Variants in DLGAP4 observed in about 807,000 individuals in gnomAD.
The protein encoded by DLGAP4 is disks large-associated protein 4.
DLGAP4 carries 18 observed loss-of-function variants against 86.9 expected under a neutral mutation model. The observed-to-expected ratio is 0.21, with a 90% CI of 0.14 to 0.31. DLGAP4 has a LOEUF of 0.31. Among genes scored for constraint, DLGAP4 ranks in the 10% least tolerant of loss-of-function variants. The pLI is 1.00. For missense variants in DLGAP4, 1,085 were observed against 1,362.6 expected (o/e 0.80, Z 3.21); for synonymous variants, 548 against 574.3 (o/e 0.95, Z 0.65).
chr20:36,389,897 G>A (rs1289323340), intron 2 of DLGAP4, among the ~76,000 whole-genome samples: 1 of 152,196 alleles, frequency 6.6e-6, no homozygotes, highest in Non-Finnish European at 1.5e-5. Context: ...AACAACAGGG[G>A]CTGCTGCTAT....
intron 2 of DLGAP4, among the ~76,000 whole-genome samples, chr20:36,391,880 C>T (rs1268588346): frequency 6.6e-6 from 1 of 152,210 alleles, no homozygotes; most frequent in Non-Finnish European, 1.5e-5. Flanking sequence ...TGTCCCAGTT[C>T]CTGAAGGTGC....
At position 36,527,737 on chromosome 20, in the gene DLGAP4, AGG is replaced by A. The variant is rs2037856792; in HGVS notation, c.*708_*709del. On this transcript the variant is annotated 3_prime_UTR_variant, in exon 13 of 13. Coordinates refer to ENST00000339266, the MANE Select transcript of DLGAP4 (RefSeq NM_001365621.2). Reference sequence around the variant, plus strand: ...GGACTCACTCACCGCTGAGCAGATGAGGGAAGTTTTAGTCTTGGCGGGTGGAA... The same window carrying A: ...GGACTCACTCACCGCTGAGCAGATGAGAAGTTTTAGTCTTGGCGGGTGGAA... The A allele has an allele frequency of 6.5e-6, 1 of 152,704 alleles. No individual in the cohort carries two copies. The highest frequency in any genetic ancestry group is 1.5e-5 in the Non-Finnish European group (1 of 68,114). The allele number at this position is 152,704 out of a possible 1,614,324, so 9.5% of individuals were successfully genotyped here.
intron 10 of DLGAP4, among the ~76,000 whole-genome samples, chr20:36,518,178 C>T (rs1292041371): frequency 2.6e-5 from 4 of 151,440 alleles, no homozygotes; most frequent in African/African-American, 4.9e-5. Context: ...GCTGAGATCC[C>T]ACCACTTTAC....
intron 1 of DLGAP4, among the ~76,000 whole-genome samples, chr20:36,343,900 A>G (rs2065409915): frequency 2.6e-5 from 4 of 152,198 alleles, no homozygotes. Context: ...TCTCTGAGCT[A>G]CTTCATGTTT....
intron 7 of DLGAP4, among the ~76,000 whole-genome samples, chr20:36,450,524 A>G (rs2033710190): frequency 6.6e-6 from 1 of 151,952 alleles, no homozygotes; most frequent in South Asian, 2.1e-4. Context: ...AGGGTCAACA[A>G]TTCTATGTTC....
chr20:36,440,660 T>C (rs562416496), intron 5 of DLGAP4, among the ~76,000 whole-genome samples: 31 of 152,256 alleles, frequency 2.0e-4, no homozygotes, highest in Admixed American at 1.0e-3. Context: ...GATCTGGGGC[T>C]GTCCAGCCCA....
chr20:36,478,934 A>G (rs1240026807), intron 7 of DLGAP4, among the ~76,000 whole-genome samples: 1 of 152,222 alleles, frequency 6.6e-6, no homozygotes, highest in Admixed American at 6.5e-5. Flanking sequence ...GGCTACTGCA[A>G]TAACCACCAA....
At chr20:36,323,175 CAAAAAAAAAA>C (rs1164348704) in intron 1 of DLGAP4, among the ~76,000 whole-genome samples, 7,253 of 35,382 alleles carry the variant, frequency 0.2, 620 homozygotes, top group African/African-American at 0.38. Context: ...GACCCTATCT[CAAAAAAAAAA>C]AAAAAAAAAA....
rs533026232 is a variant in DLGAP4, at chr20:36,411,269, G to A, written c.-72-20377G>A. The stretch of plus-strand genomic sequence containing the variant: ...CCTCCCAAAGTGCAGGATTATAGAC[G>A]TGGGCCACCGCGCCTGGCCTTCAAT... On this transcript the variant is annotated intron_variant, in intron 2 of 12. Coordinates refer to ENST00000339266, the MANE Select transcript of DLGAP4 (RefSeq NM_001365621.2). 3.9e-5 allele frequency among the ~76,000 whole-genome samples: 6 copies of A among 152,244 alleles called. No individual in the cohort carries two copies. The South Asian group carries it at 6.2e-4, about 16-fold the overall frequency.
rs748830749 is a variant in DLGAP4 at position 36,527,357 on chromosome 20, T to TTCTA, written c.*330_*333dup. 6.0e-5 allele frequency: 13 copies of TTCTA among 215,856 alleles called. No individual in the cohort carries two copies. The highest frequency in any genetic ancestry group is 8.4e-5 in the Non-Finnish European group (9 of 107,298). 13.4% of individuals were successfully genotyped at this position (215,856 alleles called of 1,614,324 possible). A position where few individuals can be genotyped will look rare whatever the true frequency, so the allele number is the denominator to read the frequency against. ...CTCCATACTGCGGTCTTTTTACTCGTTCTATCTGATGAGAACTCACACTAG... is the reference window on the plus strand; with the variant it reads ...CTCCATACTGCGGTCTTTTTACTCGTTCTATCTATCTGATGAGAACTCACACTAG... On this transcript the variant is annotated 3_prime_UTR_variant, in exon 13 of 13. Coordinates refer to ENST00000339266, the MANE Select transcript of DLGAP4 (RefSeq NM_001365621.2).
At chr20:36,522,157 C>CT (rs754153542) in intron 10 of DLGAP4, among the ~76,000 whole-genome samples, 4 of 152,076 alleles carry the variant, frequency 2.6e-5, no homozygotes, top group South Asian at 2.1e-4. Flanking sequence ...CACACTCTTT[C>CT]TTTTTTGTTT....
intron 2 of DLGAP4, among the ~76,000 whole-genome samples, chr20:36,396,002 G>A (rs1201815432): frequency 6.6e-6 from 1 of 152,080 alleles, no homozygotes; most frequent in Non-Finnish European, 1.5e-5. Flanking sequence ...GGCCTGCCTG[G>A]TCCCAGCTTC....
At chr20:36,461,741 CCGT>C (rs2034077313) in intron 7 of DLGAP4, 4 of 908,596 alleles carry the variant, frequency 4.4e-6, no homozygotes, top group Non-Finnish European at 5.1e-6. Context: ...GTCCGTCCGT[CCGT>C]CCGTCCGCCC....
At chr20:36,521,835 T>C (rs956701478) in intron 10 of DLGAP4, among the ~76,000 whole-genome samples, 1 of 152,268 alleles carries the variant, frequency 6.6e-6, no homozygotes, top group Non-Finnish European at 1.5e-5. Flanking sequence ...CAACAATTTC[T>C]GGTAAGTATT....
intron 2 of DLGAP4, among the ~76,000 whole-genome samples, chr20:36,417,259 G>A (rs147785282): frequency 6.6e-6 from 1 of 152,364 alleles, no homozygotes; most frequent in Non-Finnish European, 1.5e-5. Flanking sequence ...GGATGGAACA[G>A]CATGGGCAAA....
At chr20:36,523,690 GTCT>G (rs2037522378) in intron 10 of DLGAP4, among the ~76,000 whole-genome samples, 1 of 152,134 alleles carries the variant, frequency 6.6e-6, no homozygotes, top group Admixed American at 6.6e-5. Flanking sequence ...TTGAGACTGA[GTCT>G]CCCTCTGTCA....
intron 2 of DLGAP4, among the ~76,000 whole-genome samples, chr20:36,409,749 C>G (rs1392536890): frequency 4.0e-5 from 6 of 150,330 alleles, no homozygotes; most frequent in Non-Finnish European, 1.5e-5. Flanking sequence ...AAGCCCTCCT[C>G]CTGGCCGGGC....
At chr20:36,472,295 A>AGTGGGCTAT (rs1387415932) in intron 7 of DLGAP4, among the ~76,000 whole-genome samples, 23 of 152,102 alleles carry the variant, frequency 1.5e-4, no homozygotes, top group African/African-American at 5.6e-4. Flanking sequence ...TGAGCTCAGG[A>AGTGGGCTAT]GTTAAAGACC....
Position 36,467,069 on chromosome 20 carries a change from C to CCCG in DLGAP4, c.1648+20134_1648+20135insGCC, listed in dbSNP as rs1569509733. 4.2e-4 allele frequency among the ~76,000 whole-genome samples: 54 copies of CCCG among 129,342 alleles called. 1 individual carries two copies. The highest frequency in any genetic ancestry group is 1.9e-3 in the African/African-American group (52 of 27,344). The allele number at this position is 129,342 out of a possible 152,430, so 84.9% of individuals were successfully genotyped here. Reference sequence around the variant, plus strand: ...CTCTCTCTCTCTCTCTCTCTCCCCCCCCCTTCTCTCGGCCCTGCCTTCCTA... The same window carrying CCCG: ...CTCTCTCTCTCTCTCTCTCTCCCCCCCCGCCCTTCTCTCGGCCCTGCCTTCCTA... On this transcript the variant is annotated intron_variant, in intron 7 of 12. Coordinates refer to ENST00000339266, the MANE Select transcript of DLGAP4 (RefSeq NM_001365621.2).
Sources: allele counts gnomAD v4.1 joint callset (sites outside exome capture counted in the v4.1 genomes callset), GRCh38; gene constraint gnomAD v4.1.1; transcripts MANE v1.5; gene names NCBI Gene and HGNC (gene_info 2026-07-23, HGNC 2026-07-21).